The following VCF1 variants were observed in gnomAD, a reference collection of about 807,000 sequenced individuals.
VCF1 encodes protein VCF1.
chr17:73,220,783 A>C, the VCF1 span, among the ~76,000 whole-genome samples: 1 of 150,458 alleles, frequency 6.6e-6, no homozygotes, highest in Non-Finnish European at 1.5e-5. Flanking sequence ...ATCTGATATT[A>C]CTTCACACTG....
At chr17:73,212,761 T>C in the VCF1 span, 1 of 1,552,482 alleles carries the variant, frequency 6.4e-7, no homozygotes, top group Non-Finnish European at 8.8e-7. Context: ...AGGCAAGAAC[T>C]ACAATCAGTT....
chr17:73,224,917 C>CAGCACAGCAA, the VCF1 span, among the ~76,000 whole-genome samples: 1 of 150,154 alleles, frequency 6.7e-6, no homozygotes, highest in South Asian at 2.1e-4. Context: ...CAGGACAGGA[C>CAGCACAGCAA]AGGACAGGAC....
the VCF1 span, chr17:73,208,024 T>C: frequency 7.5e-7 from 1 of 1,325,842 alleles, no homozygotes; most frequent in Non-Finnish European, 9.7e-7. Context: ...ACTGCAGTGA[T>C]CTTTCAGTTC....
At chr17:73,222,217 A>G in the VCF1 span, among the ~76,000 whole-genome samples, 1 of 147,556 alleles carries the variant, frequency 6.8e-6, no homozygotes, top group Non-Finnish European at 1.5e-5. Flanking sequence ...AAAAAAATTA[A>G]ATTAGTAAAT....
the VCF1 span, among the ~76,000 whole-genome samples, chr17:73,224,960 G>GACAGCACAGCACAGCACAGCACAGC: frequency 1.1e-4 from 5 of 47,302 alleles, no homozygotes; most frequent in African/African-American, 2.9e-4. Flanking sequence ...CACAGGACAG[G>GACAGCACAGCACAGCACAGCACAGC]ACAGCACAGC....
the VCF1 span, among the ~76,000 whole-genome samples, chr17:73,216,331 T>C: frequency 5.9e-5 from 9 of 152,244 alleles, no homozygotes; most frequent in African/African-American, 2.2e-4. Context: ...AGCAGGTGTT[T>C]GGGAACTGTT....
the VCF1 span, chr17:73,207,436 G>GTGTAAAAGATGCCCGC: frequency 1.4e-6 from 1 of 730,090 alleles, no homozygotes; most frequent in Non-Finnish European, 2.4e-6. Flanking sequence ...CTACTAGAAG[G>GTGTAAAAGATGCCCGC]TGTAAAAGAT....
chr17:73,229,446 A>AC, the VCF1 span: 1 of 985,368 alleles, frequency 1.0e-6, no homozygotes, highest in Non-Finnish European at 1.2e-6. Context: ...TTCTTCCCTA[A>AC]CCATCTAGGT....
the VCF1 span, chr17:73,207,556 G>A: frequency 3.4e-4 from 223 of 650,370 alleles, 1 homozygote; most frequent in African/African-American, 3.4e-3. Context: ...CTGCCAACCC[G>A]GCACTATCAT....
At chr17:73,232,140 GC>G in the VCF1 span, 8 of 1,609,792 alleles carry the variant, frequency 5.0e-6, no homozygotes, top group Non-Finnish European at 6.8e-6. Flanking sequence ...ACGCGGCGCC[GC>G]TCCGCGAAGA....
the VCF1 span, among the ~76,000 whole-genome samples, chr17:73,221,993 C>T: frequency 7.0e-6 from 1 of 143,816 alleles, no homozygotes; most frequent in African/African-American, 2.6e-5. Flanking sequence ...AGCTGAGATG[C>T]GCCACTGCAT....
At chr17:73,208,690 A>C in the VCF1 span, 3 of 554,772 alleles carry the variant, frequency 5.4e-6, no homozygotes, top group East Asian at 6.5e-5. Flanking sequence ...GCGTTCAACA[A>C]CACCTTAATT....
the VCF1 span, among the ~76,000 whole-genome samples, chr17:73,224,821 G>GCAGCACAGCA: frequency 1.4e-5 from 2 of 139,812 alleles, no homozygotes; most frequent in African/African-American, 5.7e-5. Flanking sequence ...GAAGCACAGC[G>GCAGCACAGCA]CAGCACAGCA....
the VCF1 span, among the ~76,000 whole-genome samples, chr17:73,210,081 A>G: frequency 1.3e-5 from 2 of 152,208 alleles, no homozygotes; most frequent in African/African-American, 4.8e-5. Flanking sequence ...TCTTTTGCAC[A>G]TATTCTATAC....
the VCF1 span, chr17:73,232,010 C>T: frequency 3.4e-6 from 5 of 1,455,242 alleles, no homozygotes; most frequent in Non-Finnish European, 4.6e-6. Context: ...GCTCCGACCC[C>T]CATTTCGCGC....
At chr17:73,222,849 G>A in the VCF1 span, among the ~76,000 whole-genome samples, 4 of 151,730 alleles carry the variant, frequency 2.6e-5, no homozygotes, top group East Asian at 1.9e-4. Context: ...GCAAAGTCTC[G>A]CAGAACCTCT....
the VCF1 span, among the ~76,000 whole-genome samples, chr17:73,225,899 A>ATATATATATATTTT: frequency 3.5e-5 from 4 of 114,858 alleles, no homozygotes; most frequent in African/African-American, 1.5e-4. Context: ...ATATATATAT[A>ATATATATATATTTT]TTTTTTTTTT....
chr17:73,207,728 G>A, the VCF1 span: 1 of 1,291,852 alleles, frequency 7.7e-7, no homozygotes, highest in Non-Finnish European at 1.0e-6. Context: ...AAGCCTGCAG[G>A]AATCCTCCTG....
chr17:73,232,145 G>A, the VCF1 span: 1 of 1,610,160 alleles, frequency 6.2e-7, no homozygotes, highest in Non-Finnish European at 8.5e-7. Context: ...GCGCCGCTCC[G>A]CGAAGAGAGG....
Sources: allele counts gnomAD v4.1 joint callset (sites outside exome capture counted in the v4.1 genomes callset), GRCh38; gene constraint gnomAD v4.1.1; transcripts MANE v1.5; gene names NCBI Gene and HGNC (gene_info 2026-07-23, HGNC 2026-07-21).